SMAD3: variants seen among roughly 807,000 people sequenced by gnomAD.
The protein encoded by SMAD3 is SMAD family member 3, also known as MAD homolog 3.
SMAD3 carries 12 observed loss-of-function variants against 51.8 expected under a neutral mutation model. That is an observed-to-expected ratio of 0.23 (90% CI 0.15 to 0.38). The LOEUF is 0.38. SMAD3 is among the 10% of genes least tolerant of loss of function. SMAD3 has a pLI of 1.00. For synonymous variants in SMAD3, 238 were observed against 227.7 expected, an observed-to-expected ratio of 1.05 and a Z score of -0.41; for missense variants, 294 against 565.6, an observed-to-expected ratio of 0.52 and a Z score of 4.87.
intron 1 of SMAD3, chr15:67,138,399 G>T (rs946179143): frequency 7.5e-6 from 3 of 398,208 alleles, no homozygotes; most frequent in Non-Finnish European, 1.4e-5. Flanking sequence ...GTGGATTTGC[G>T]GAAGAGGGTT....
intron 1 of SMAD3, among the ~76,000 whole-genome samples, chr15:67,112,271 T>C (rs1961034482): frequency 6.7e-6 from 1 of 148,930 alleles, no homozygotes; most frequent in African/African-American, 2.5e-5. Flanking sequence ...TGCCTTAGCC[T>C]CCCAAGTAGC....
chr15:67,156,751 G>A (rs1035804714), intron 1 of SMAD3, among the ~76,000 whole-genome samples: 5 of 134,380 alleles, frequency 3.7e-5, no homozygotes, highest in African/African-American at 1.4e-4. Context: ...TTTGGTTTAG[G>A]TCTGCTCCAC....
intron 6 of SMAD3, among the ~76,000 whole-genome samples, chr15:67,182,991 A>AT (rs1963103155): frequency 4.6e-4 from 21 of 45,422 alleles, no homozygotes; most frequent in African/African-American, 1.7e-3. Context: ...TTTATTAAAA[A>AT]AAAAAAAAAA....
chr15:67,082,105 A>T (rs1960291652), intron 1 of SMAD3, among the ~76,000 whole-genome samples: 1 of 141,206 alleles, frequency 7.1e-6, no homozygotes. Flanking sequence ...CATGATGGTA[A>T]GTCTGCCCTC....
Position 67,101,465 on chromosome 15 carries a change from A to T in SMAD3, c.206+35105A>T, listed in dbSNP as rs77504710. ...CCCCCTGACTCTCCCACCCTCTGGC[A>T]TGTACTGGGTAGGCCTGCCTGCTCT... is the stretch of plus-strand genomic sequence containing the variant. On this transcript the variant is annotated intron_variant, in intron 1 of 8. Transcript: ENST00000327367. Among the ~76,000 whole-genome samples, 979 of 152,214 alleles carry T rather than the reference A, an allele frequency of 6.4e-3. 6 individuals are homozygous for T. Among genetic ancestry groups the T allele is most frequent in the African/African-American group, 0.019 (773 of 41,546 alleles).
chr15:67,164,595 C>G (rs747985170), intron 1 of SMAD3, among the ~76,000 whole-genome samples: 1 of 152,198 alleles, frequency 6.6e-6, no homozygotes, highest in Non-Finnish European at 1.5e-5. Context: ...GACTGAAGTG[C>G]GGGCCCTTCC....
intron 1 of SMAD3, among the ~76,000 whole-genome samples, chr15:67,128,812 C>T (rs764406771): frequency 2.0e-4 from 30 of 152,054 alleles, no homozygotes; most frequent in Non-Finnish European, 2.9e-4. Context: ...TGGCCTCAAG[C>T]GATCCTCCCA....
At chr15:67,182,365 G>C (rs554633882) in intron 6 of SMAD3, among the ~76,000 whole-genome samples, 1 of 152,194 alleles carries the variant, frequency 6.6e-6, no homozygotes, top group Non-Finnish European at 1.5e-5. Flanking sequence ...AAGCTTAGAG[G>C]ATTTTACGAT....
chr15:67,163,944 TAAAAAAAAA>T (rs57803788), intron 1 of SMAD3, among the ~76,000 whole-genome samples: 3 of 87,918 alleles, frequency 3.4e-5, no homozygotes, highest in East Asian at 3.9e-4. Context: ...GTATCAAAAG[TAAAAAAAAA>T]AAAAAAAAAA....
At chr15:67,143,530 G>T (rs892056104) in intron 1 of SMAD3, among the ~76,000 whole-genome samples, 3 of 152,198 alleles carry the variant, frequency 2.0e-5, no homozygotes, top group African/African-American at 7.2e-5. Flanking sequence ...CGCCTCCCAG[G>T]TTCAAGTGAT....
chr15:67,175,774 G>A (rs181702172), intron 5 of SMAD3, among the ~76,000 whole-genome samples: 4 of 152,304 alleles, frequency 2.6e-5, no homozygotes, highest in Admixed American at 2.6e-4. Flanking sequence ...AGGGCGGCCC[G>A]AAGACCACCA....
chr15:67,165,626 G>A (rs925520140), intron 3 of SMAD3, among the ~76,000 whole-genome samples: 7 of 152,232 alleles, frequency 4.6e-5, no homozygotes, highest in African/African-American at 1.7e-4. Flanking sequence ...TGACCCTTCC[G>A]CCCGGCCTTG....
intron 1 of SMAD3, among the ~76,000 whole-genome samples, chr15:67,071,333 A>G (rs184210092): frequency 1.3e-5 from 2 of 152,346 alleles, no homozygotes; most frequent in East Asian, 1.9e-4. Context: ...TGCTATAAAT[A>G]TGTTACCTTG....
At position 67,165,100 on chromosome 15, in the gene SMAD3, G is replaced by A. The variant is rs751730470; in HGVS notation, c.400+12G>A. ...AGTAGAGACACCAGGTATGCTGCCT[G>A]GCCTGCCTGTGGGGACAGCAGGTGC... On this transcript the variant is annotated intron_variant, in intron 2 of 8. Transcript: ENST00000327367. 3 of 1,613,832 alleles carry A rather than the reference G, an allele frequency of 1.9e-6. No homozygotes were observed. Among genetic ancestry groups the A allele is most frequent in the Admixed American group, 3.3e-5 (2 of 60,010 alleles).
intron 1 of SMAD3, among the ~76,000 whole-genome samples, chr15:67,116,275 C>A (rs1048634944): frequency 6.6e-6 from 1 of 152,190 alleles, no homozygotes; most frequent in African/African-American, 2.4e-5. Flanking sequence ...CACATCCTGG[C>A]CATCCACATC....
rs141239527 is a variant in SMAD3, at chr15:67,069,800, G to A, written c.206+3440G>A. Among the ~76,000 whole-genome samples the A allele has an allele frequency of 7.3e-3, 1,109 of 152,066 alleles. 22 individuals carry two copies. Among genetic ancestry groups the A allele is most frequent in the East Asian group, 0.035 (180 of 5,160 alleles). ...TAGCTCACTGCAACCTCTGCCTCCC[G>A]GTTCAAGCGATTCTTGTGCCTCAGC... is the stretch of plus-strand genomic sequence containing the variant. On this transcript the variant is annotated intron_variant, in intron 1 of 8. Transcript: ENST00000327367.
chr15:67,123,375 C>T (rs1388779867), intron 1 of SMAD3, among the ~76,000 whole-genome samples: 7 of 151,058 alleles, frequency 4.6e-5, no homozygotes, highest in Non-Finnish European at 5.9e-5. Flanking sequence ...GGCACACGCC[C>T]GTAATCCCAG....
At chr15:67,127,241 G>A (rs143200756) in intron 1 of SMAD3, among the ~76,000 whole-genome samples, 1 of 152,336 alleles carries the variant, frequency 6.6e-6, no homozygotes, top group Non-Finnish European at 1.5e-5. Context: ...GAGGTCGAAT[G>A]TGAACTGTCT....
chr15:67,119,567 C>A (rs2140241909), intron 1 of SMAD3, among the ~76,000 whole-genome samples: 1 of 152,250 alleles, frequency 6.6e-6, no homozygotes, highest in Middle Eastern at 3.4e-3. Context: ...GTCTATGAAG[C>A]AGATGGATGG....
Sources: gnomAD v4.1 joint callset for allele counts (sites outside exome capture counted in the v4.1 genomes callset) on GRCh38, gnomAD v4.1.1 for gene constraint, MANE v1.5 for transcripts, NCBI Gene and HGNC (gene_info 2026-07-23, HGNC 2026-07-21) for gene names.